USH2A: variants seen among roughly 807,000 people sequenced by gnomAD.
USH2A encodes usherin, also known as Usher syndrome 2A (autosomal recessive, mild).
In USH2A, 443 loss-of-function variants were observed where a neutral mutation model predicts 538.9. The observed-to-expected ratio is 0.82, with a 90% CI of 0.76 to 0.89. The LOEUF (loss-of-function observed/expected upper bound fraction) is 0.89, where lower values mean the gene tolerates loss of function less well. USH2A is among the 40% of genes least tolerant of loss of function. USH2A has a pLI of 0.00. For synonymous variants in USH2A, 2,413 were observed against 2,273.5 expected, an observed-to-expected ratio of 1.06 and a Z score of -1.75; for missense variants, 6,633 against 6,324.8, an observed-to-expected ratio of 1.05 and a Z score of -1.65.
At chr1:215,894,436 T>G (rs1665275094) in intron 40 of USH2A, among the ~76,000 whole-genome samples, 1 of 152,224 alleles carries the variant, frequency 6.6e-6, no homozygotes, top group Non-Finnish European at 1.5e-5. Flanking sequence ...AGAATTATCT[T>G]GATCAATTTA....
chr1:215,639,358 CG>C (rs1656605113), intron 68 of USH2A, 120 bp from the exon 69 acceptor site: 2 of 908,102 alleles, frequency 2.2e-6, no homozygotes, highest in African/African-American at 1.7e-5. Context: ...CAAGTTATGA[CG>C]TTTTATATAA....
intron 32 of USH2A, among the ~76,000 whole-genome samples, chr1:216,021,044 T>C (rs1318310516): frequency 6.6e-6 from 1 of 152,124 alleles, no homozygotes; most frequent in Admixed American, 6.6e-5. Context: ...ACTGGGCTCT[T>C]AAATCTATGG....
intron 58 of USH2A, among the ~76,000 whole-genome samples, chr1:215,755,677 A>G (rs897926034): frequency 2.0e-4 from 31 of 152,164 alleles, no homozygotes; most frequent in Non-Finnish European, 4.1e-4. Context: ...ACAGGTCTGA[A>G]TATTATAGAT....
Position 216,217,499 on chromosome 1 carries a change from G to C in USH2A, c.3045C>G (p.His1015Gln), listed in dbSNP as rs541918040. ...HLSGALNETC[H>Q]LVTGQCFCKQ... is the part of the protein sequence containing the mutation. ...TACAGAAACACTGGCCTGTGACCAAGTGACAGGTTTCATTCAAGGCTCCTG... is the reference window on the plus strand; with the variant it reads ...TACAGAAACACTGGCCTGTGACCAACTGACAGGTTTCATTCAAGGCTCCTG... The change falls in exon 15 of 72, where the codon CAC becomes CAG. Residue 1015 changes from histidine (H) to glutamine (Q), a missense_variant. His to Gln is a conservative substitution (Grantham distance 24). Coordinates refer to ENST00000307340, the MANE Select transcript of USH2A (RefSeq NM_206933.4). The C allele has an allele frequency of 1.3e-4, 210 of 1,613,178 alleles. No individual in the cohort carries two copies. In the Middle Eastern group the frequency reaches 2.0e-3, roughly 15 times the overall value.
In USH2A at chr1:215,639,198, A is replaced by G. The variant is rs1413943403; in HGVS notation, c.15009T>C (p.Ser5003=). The change falls in exon 69 of 72, where the codon AGT becomes AGC. Residue 5003 remains serine (S), a synonymous_variant. Coordinates refer to ENST00000307340, the MANE Select transcript of USH2A (RefSeq NM_206933.4). The part of the protein sequence containing the change: ...FQVICTTDEG[S]VKTPLIQYDT... ...CATATTGGATCAACGGCGTCTTAAC[A>G]CTTCCTTCGTCAGTCGTGCAGATGA... 1.9e-6 allele frequency: 3 copies of G among 1,614,164 alleles called. No individual in the cohort carries two copies. The highest frequency in any genetic ancestry group is 2.2e-5 in the South Asian group (2 of 91,082).
intron 47 of USH2A, among the ~76,000 whole-genome samples, chr1:215,836,219 T>G (rs978863639): frequency 3.3e-5 from 5 of 151,474 alleles, no homozygotes; most frequent in African/African-American, 1.2e-4. Flanking sequence ...CCTTGAGCTT[T>G]TCAAGACTGA....
intron 41 of USH2A, among the ~76,000 whole-genome samples, chr1:215,881,425 C>T (rs907048731): frequency 6.6e-6 from 1 of 152,180 alleles, no homozygotes; most frequent in Admixed American, 6.5e-5. Context: ...CGGGCATGAG[C>T]CACCACGCCC....
intron 13 of USH2A, among the ~76,000 whole-genome samples, chr1:216,236,619 A>G (rs2035822883): frequency 6.6e-6 from 1 of 152,146 alleles, no homozygotes; most frequent in African/African-American, 2.4e-5. Flanking sequence ...TTAACACTGA[A>G]AAGGAAAATG....
intron 21 of USH2A, among the ~76,000 whole-genome samples, chr1:216,173,438 G>A (rs533781038): frequency 3.9e-5 from 6 of 152,246 alleles, no homozygotes; most frequent in South Asian, 4.1e-4. Flanking sequence ...AAGCTCCAGG[G>A]AGTAGTTCAA....
chr1:215,936,114 A>C (rs569937546), intron 37 of USH2A, among the ~76,000 whole-genome samples: 1 of 152,166 alleles, frequency 6.6e-6, no homozygotes, highest in South Asian at 2.1e-4. Context: ...TTATATGTAC[A>C]TTCAATCTTT....
At chr1:216,106,857 A>T (rs1385320769) in intron 21 of USH2A, among the ~76,000 whole-genome samples, 1 of 151,862 alleles carries the variant, frequency 6.6e-6, no homozygotes, top group Non-Finnish European at 1.5e-5. Context: ...ATTTTTTGTT[A>T]AAAAATTCCC....
chr1:216,094,765 T>C (rs1049959591), intron 22 of USH2A, among the ~76,000 whole-genome samples: 1 of 152,182 alleles, frequency 6.6e-6, no homozygotes, highest in African/African-American at 2.4e-5. Context: ...TATAGCACTG[T>C]AGCTAAAATC....
At chr1:215,926,105 A>G (rs982662473) in intron 38 of USH2A, among the ~76,000 whole-genome samples, 5 of 151,818 alleles carry the variant, frequency 3.3e-5, no homozygotes, top group East Asian at 1.9e-4. Context: ...GCAAGATACA[A>G]TAGAGTTTGT....
At chr1:216,241,471 C>CT (rs1221150323) in intron 13 of USH2A, among the ~76,000 whole-genome samples, 1 of 151,960 alleles carries the variant, frequency 6.6e-6, no homozygotes, top group African/African-American at 2.4e-5. Context: ...CAACCCCCTC[C>CT]TGGTCTCCTT....
chr1:215,629,013 G>A lies in USH2A; in HGVS notation c.15320C>T (p.Pro5107Leu). 1 of 1,613,286 alleles carries A rather than the reference G, an allele frequency of 6.2e-7. No individual in the cohort carries two copies. The highest frequency in any genetic ancestry group is 8.5e-7 in the Non-Finnish European group (1 of 1,180,034). ...NHMGLADTKI[P>L]RSGTPVSIRS... ...GATACTCACAGGTGTCCCAGACCGG[G>A]GAATTTTGGTATCGGCTAACCCCTG... Residue 5107 changes from proline (P) to leucine (L), a missense_variant, in exon 71 of 72, where the codon CCC becomes CTC. Coordinates refer to ENST00000307340, the MANE Select transcript of USH2A (RefSeq NM_206933.4).
At chr1:215,804,673 C>T (rs1220533997) in intron 49 of USH2A, among the ~76,000 whole-genome samples, 2 of 150,566 alleles carry the variant, frequency 1.3e-5, no homozygotes, top group African/African-American at 2.5e-5. Flanking sequence ...GGAACACTTT[C>T]ACACTGTTAG....
intron 13 of USH2A, among the ~76,000 whole-genome samples, chr1:216,233,926 G>A (rs183793721): frequency 1.3e-5 from 2 of 152,218 alleles, no homozygotes; most frequent in Admixed American, 6.5e-5. Flanking sequence ...ACACACACAA[G>A]CCCGTGCAAA....
chr1:216,041,006 C>G (rs2102520142), intron 32 of USH2A, among the ~76,000 whole-genome samples: 1 of 152,078 alleles, frequency 6.6e-6, no homozygotes, highest in South Asian at 2.1e-4. Context: ...ATTATACTAA[C>G]CTACATCCTA....
At chr1:216,308,269 C>T (rs539235131) in intron 9 of USH2A, among the ~76,000 whole-genome samples, 3 of 152,290 alleles carry the variant, frequency 2.0e-5, no homozygotes, top group African/African-American at 4.8e-5. Context: ...AAGTGTTCCA[C>T]GTAGACATTT....
Sources: gnomAD v4.1 joint callset for allele counts (sites outside exome capture counted in the v4.1 genomes callset) on GRCh38, gnomAD v4.1.1 for gene constraint, MANE v1.5 for transcripts, NCBI Gene and HGNC (gene_info 2026-07-23, HGNC 2026-07-21) for gene names.